Variants in DLGAP2 observed in about 807,000 individuals in gnomAD.
The protein encoded by DLGAP2 is disks large-associated protein 2.
DLGAP2 carries 26 observed loss-of-function variants against 100.3 expected under a neutral mutation model. The ratio of observed to expected loss-of-function variants is 0.26; its 90% CI spans 0.19 to 0.36. DLGAP2 has a LOEUF of 0.36. DLGAP2 is among the 10% of genes least tolerant of loss of function. The pLI, the probability that DLGAP2 is intolerant of heterozygous loss-of-function variation, is 1.00. For synonymous variants in DLGAP2, 886 were observed against 630.1 expected, an observed-to-expected ratio of 1.41 and a Z score of -6.08; for missense variants, 1,858 against 1,453.2, an observed-to-expected ratio of 1.28 and a Z score of -4.53.
intron 1 of DLGAP2, among the ~76,000 whole-genome samples, chr8:781,382 G>C (rs1821682689): frequency 6.6e-6 from 1 of 151,978 alleles, no homozygotes; most frequent in Non-Finnish European, 1.5e-5. Flanking sequence ...GGAAGGGTTA[G>C]GAACATCACA....
At chr8:1,128,784 A>C (rs1229445467) in intron 2 of DLGAP2, among the ~76,000 whole-genome samples, 1 of 152,220 alleles carries the variant, frequency 6.6e-6, no homozygotes, top group Non-Finnish European at 1.5e-5. Flanking sequence ...AATATCCAAC[A>C]TGCAAATCAG....
At chr8:1,320,919 G>A (rs1005951453) in intron 3 of DLGAP2, among the ~76,000 whole-genome samples, 1 of 152,184 alleles carries the variant, frequency 6.6e-6, no homozygotes, top group East Asian at 1.9e-4. Context: ...GCATGTGTGT[G>A]CATGTATCTG....
At chr8:834,366 T>A (rs961124246) in intron 1 of DLGAP2, among the ~76,000 whole-genome samples, 4 of 152,222 alleles carry the variant, frequency 2.6e-5, no homozygotes, top group Admixed American at 2.0e-4. Context: ...CTGAGAAGTT[T>A]AAGCCATTAT....
chr8:1,407,569 A>T (rs1251499947), intron 3 of DLGAP2, among the ~76,000 whole-genome samples: 3 of 84,782 alleles, frequency 3.5e-5, no homozygotes, highest in African/African-American at 1.3e-4. Flanking sequence ...CATCCTCCAG[A>T]GTCGTGTATT....
intron 6 of DLGAP2, among the ~76,000 whole-genome samples, chr8:1,587,767 C>A (rs774197701): frequency 2.6e-5 from 4 of 151,970 alleles, no homozygotes; most frequent in Non-Finnish European, 5.9e-5. Context: ...TTAATAGTGG[C>A]CATTTTCTCT....
At chr8:908,917 T>A (rs925342330) in intron 2 of DLGAP2, among the ~76,000 whole-genome samples, 2 of 152,248 alleles carry the variant, frequency 1.3e-5, no homozygotes, top group African/African-American at 2.4e-5. Context: ...CTATGGTAAT[T>A]AGAAGAATTT....
At chr8:1,595,128 C>A (rs1416778135) in intron 6 of DLGAP2, among the ~76,000 whole-genome samples, 1 of 152,072 alleles carries the variant, frequency 6.6e-6, no homozygotes, top group African/African-American at 2.4e-5. Context: ...GCAGCCTCAA[C>A]CTCCCGGGTG....
At chr8:917,420 T>C in intron 2 of DLGAP2, among the ~76,000 whole-genome samples, 1 of 152,242 alleles carries the variant, frequency 6.6e-6, no homozygotes, top group Non-Finnish European at 1.5e-5. Context: ...TGAATTTTTA[T>C]AGAGGTGAAG....
chr8:1,549,402 C>A lies in DLGAP2; in HGVS notation c.949C>A (p.Arg317=). 6.2e-7 allele frequency: 1 copy of A among 1,613,446 alleles called. No individual in the cohort carries two copies. Among genetic ancestry groups the A allele is most frequent in the Non-Finnish European group, 8.5e-7 (1 of 1,179,778 alleles). ...STYRTPSVLN[R]HHLGPVAHCY... Reference sequence around the variant, plus strand: ...CTATCGGACGCCCAGCGTGCTCAACCGGCACCACCTGGGCCCCGTGGCCCA... The same window carrying A: ...CTATCGGACGCCCAGCGTGCTCAACAGGCACCACCTGGGCCCCGTGGCCCA... The change falls in exon 5 of 15, where the codon CGG becomes AGG. Residue 317 remains arginine (R), a synonymous_variant. Coordinates refer to ENST00000637795, the MANE Select transcript of DLGAP2 (RefSeq NM_001346810.2).
At chr8:959,553 G>A (rs144179075) in intron 2 of DLGAP2, among the ~76,000 whole-genome samples, 107 of 152,304 alleles carry the variant, frequency 7.0e-4, no homozygotes, top group Non-Finnish European at 8.5e-4. Flanking sequence ...TGTGCCCGTC[G>A]TCACAAGGCT....
intron 1 of DLGAP2, among the ~76,000 whole-genome samples, chr8:777,719 C>A (rs535356165): frequency 3.9e-5 from 6 of 152,060 alleles, no homozygotes; most frequent in African/African-American, 7.2e-5. Context: ...CCGAGAGATC[C>A]GCTGTTAGTC....
intron 8 of DLGAP2, among the ~76,000 whole-genome samples, chr8:1,648,213 G>A (rs888294498): frequency 7.9e-5 from 12 of 152,142 alleles, no homozygotes; most frequent in South Asian, 2.1e-4. Context: ...GGACTCTGAC[G>A]TTTAAGTTAT....
At chr8:1,282,979 A>G (rs1799848455) in intron 3 of DLGAP2, among the ~76,000 whole-genome samples, 2 of 124,730 alleles carry the variant, frequency 1.6e-5, no homozygotes, top group Admixed American at 8.5e-5. Context: ...ACGTGGTGTG[A>G]CCTGAATCCA....
chr8:1,653,902 C>T (rs996150591), intron 8 of DLGAP2, among the ~76,000 whole-genome samples: 12 of 152,180 alleles, frequency 7.9e-5, no homozygotes, highest in Non-Finnish European at 1.3e-4. Flanking sequence ...ACGGTCTTAA[C>T]TCTTGTCAGT....
At chr8:1,264,048 T>C (rs1338128191) in intron 3 of DLGAP2, among the ~76,000 whole-genome samples, 1 of 152,166 alleles carries the variant, frequency 6.6e-6, no homozygotes, top group East Asian at 1.9e-4. Context: ...ATGCTGCTCC[T>C]CTCTTAGTCT....
Position 1,317,502 on chromosome 8 carries a change from A to C in DLGAP2, c.106+58619A>C, listed in dbSNP as rs547458477. 1.9e-3 allele frequency among the ~76,000 whole-genome samples: 269 copies of C among 141,654 alleles called. 2 individuals carry two copies. The highest frequency in any genetic ancestry group is 4.8e-3 in the Admixed American group (70 of 14,538). 92.9% of individuals were successfully genotyped at this position (141,654 alleles called of 152,430 possible). ...TCCAACAGTGGTCTACACTCGAGACACTTGGCAGCGTTTAAAAATAGAGGC... is the reference window on the plus strand; with the variant it reads ...TCCAACAGTGGTCTACACTCGAGACCCTTGGCAGCGTTTAAAAATAGAGGC... On this transcript the variant is annotated intron_variant, in intron 3 of 14. Transcript: ENST00000637795.
chr8:871,924 A>G (rs1448425133), intron 1 of DLGAP2, among the ~76,000 whole-genome samples: 1 of 151,926 alleles, frequency 6.6e-6, no homozygotes, highest in Non-Finnish European at 1.5e-5. Context: ...TTTTTTGTCT[A>G]CTTGGTGTTA....
intron 2 of DLGAP2, among the ~76,000 whole-genome samples, chr8:1,249,500 G>T (rs1798989781): frequency 6.6e-6 from 1 of 152,172 alleles, no homozygotes; most frequent in South Asian, 2.1e-4. Flanking sequence ...AGATTGCACT[G>T]AACAATCTTT....
At chr8:1,150,158 A>C (rs1050250644) in intron 2 of DLGAP2, among the ~76,000 whole-genome samples, 1 of 152,102 alleles carries the variant, frequency 6.6e-6, no homozygotes, top group African/African-American at 2.4e-5. Flanking sequence ...TTTAGTGTGA[A>C]TCTCTTCGAA....
Sources: allele counts gnomAD v4.1 joint callset (sites outside exome capture counted in the v4.1 genomes callset), GRCh38; gene constraint gnomAD v4.1.1; transcripts MANE v1.5; gene names NCBI Gene and HGNC (gene_info 2026-07-23, HGNC 2026-07-21).